ADAM32: variants seen among roughly 807,000 people sequenced by gnomAD.
ADAM32 encodes ADAM metallopeptidase domain 32.
In ADAM32, 89 loss-of-function variants were observed where a neutral mutation model predicts 114.9. The observed-to-expected ratio is 0.77, with a 90% CI of 0.65 to 0.92. The LOEUF is 0.92. ADAM32 is among the 40% of genes least tolerant of loss of function. The probability of loss-of-function intolerance (pLI) is 0.00; values close to 1 mark genes in which losing one functional copy is unlikely to be tolerated. For missense variants in ADAM32, 870 were observed against 932.8 expected (o/e 0.93, Z 0.88); for synonymous variants, 285 against 307.5 (o/e 0.93, Z 0.77).
chr8:39,245,077 T>C (rs34023190), intron 16 of ADAM32, among the ~76,000 whole-genome samples: 12,967 of 151,860 alleles, frequency 0.085, 1,892 homozygotes, highest in African/African-American at 0.3. Flanking sequence ...CAACCCACAG[T>C]GGCTAAGAAA....
At chr8:39,225,385 T>C (rs901613488) in intron 14 of ADAM32, among the ~76,000 whole-genome samples, 1 of 152,208 alleles carries the variant, frequency 6.6e-6, no homozygotes, top group African/African-American at 2.4e-5. Flanking sequence ...GTCTTCACCC[T>C]AGGCACCAGT....
At chr8:39,159,227 A>T (rs1399727492) in intron 6 of ADAM32, among the ~76,000 whole-genome samples, 2 of 152,210 alleles carry the variant, frequency 1.3e-5, no homozygotes, top group African/African-American at 4.8e-5. Context: ...TAAAGTAAAG[A>T]AATATTTTGT....
At chr8:39,114,524 G>C (rs1262851629) in intron 1 of ADAM32, among the ~76,000 whole-genome samples, 1 of 152,140 alleles carries the variant, frequency 6.6e-6, no homozygotes, top group African/African-American at 2.4e-5. Flanking sequence ...GGGACTCTGT[G>C]ATCAGTTAGA....
chr8:39,145,885 C>T (rs904552407), intron 3 of ADAM32, among the ~76,000 whole-genome samples: 1 of 152,028 alleles, frequency 6.6e-6, no homozygotes, highest in African/African-American at 2.4e-5. Flanking sequence ...AGCAGACCAC[C>T]ACACCTGGCT....
At chr8:39,217,459 C>G (rs1808658848) in intron 12 of ADAM32, among the ~76,000 whole-genome samples, 1 of 152,102 alleles carries the variant, frequency 6.6e-6, no homozygotes, top group Non-Finnish European at 1.5e-5. Flanking sequence ...CTACCCCCAT[C>G]TCTTTATCTA....
intron 12 of ADAM32, among the ~76,000 whole-genome samples, chr8:39,215,501 T>C (rs541360365): frequency 8.6e-5 from 13 of 152,012 alleles, no homozygotes; most frequent in Admixed American, 2.6e-4. Flanking sequence ...ATGTTTTTCT[T>C]CTTTTTTGAT....
intron 11 of ADAM32, among the ~76,000 whole-genome samples, chr8:39,189,544 C>T (rs565992028): frequency 4.5e-4 from 68 of 152,130 alleles, no homozygotes; most frequent in Admixed American, 1.4e-3. Flanking sequence ...TATCTGTATA[C>T]GTGTGTGATG....
intron 11 of ADAM32, among the ~76,000 whole-genome samples, chr8:39,200,016 T>C (rs1011191359): frequency 5.3e-5 from 8 of 152,248 alleles, no homozygotes; most frequent in Non-Finnish European, 8.8e-5. Context: ...TAATCCACTC[T>C]ATCACTGATG....
intron 12 of ADAM32, among the ~76,000 whole-genome samples, chr8:39,215,509 G>A (rs1465209870): frequency 6.6e-6 from 1 of 151,660 alleles, no homozygotes; most frequent in Non-Finnish European, 1.5e-5. Context: ...CTTCTTTTTT[G>A]ATATAAGTGC....
intron 16 of ADAM32, among the ~76,000 whole-genome samples, chr8:39,238,836 C>T (rs768254801): frequency 6.6e-6 from 1 of 151,694 alleles, no homozygotes; most frequent in African/African-American, 2.4e-5. Flanking sequence ...AGCTTTAACA[C>T]AAGGCTTTGG....
At chr8:39,183,777 G>A (rs1397181468) in intron 10 of ADAM32, among the ~76,000 whole-genome samples, 1 of 152,240 alleles carries the variant, frequency 6.6e-6, no homozygotes, top group East Asian at 1.9e-4. Context: ...CATGTGATAA[G>A]TAAATCTTGT....
intron 19 of ADAM32, among the ~76,000 whole-genome samples, chr8:39,259,132 A>T (rs1247409434): frequency 6.6e-6 from 1 of 151,320 alleles, no homozygotes; most frequent in Non-Finnish European, 1.5e-5. Flanking sequence ...TTGCCATCCT[A>T]CTTTTTTCCT....
At chr8:39,132,024 G>A in intron 2 of ADAM32, 1 of 289,836 alleles carries the variant, frequency 3.5e-6, no homozygotes, top group Non-Finnish European at 7.2e-6. Flanking sequence ...ATCCTGAGTA[G>A]TTGGGATTAC....
chr8:39,162,853 T>C (rs1804599716), intron 7 of ADAM32, among the ~76,000 whole-genome samples: 1 of 151,950 alleles, frequency 6.6e-6, no homozygotes, highest in Admixed American at 6.5e-5. Context: ...ACACAAAAAT[T>C]AGCCAGGCGT....
At chr8:39,134,825 C>T (rs1407547820) in intron 2 of ADAM32, among the ~76,000 whole-genome samples, 1 of 152,066 alleles carries the variant, frequency 6.6e-6, no homozygotes, top group Non-Finnish European at 1.5e-5. Context: ...AAATATTCAT[C>T]CAAGAACTGC....
At chr8:39,171,092 A>C (rs1805159823) in intron 10 of ADAM32, among the ~76,000 whole-genome samples, 1 of 152,068 alleles carries the variant, frequency 6.6e-6, no homozygotes, top group Admixed American at 6.5e-5. Flanking sequence ...ACCCACAACA[A>C]CCAGCTAACT....
intron 2 of ADAM32, among the ~76,000 whole-genome samples, chr8:39,122,776 C>A (rs1242452103): frequency 6.6e-6 from 1 of 152,094 alleles, no homozygotes; most frequent in Non-Finnish European, 1.5e-5. Context: ...GCCATGTTGG[C>A]CAGGCTAGTC....
chr8:39,277,937 G>A (rs1230966481), intron 22 of ADAM32, among the ~76,000 whole-genome samples: 1 of 152,200 alleles, frequency 6.6e-6, no homozygotes, highest in East Asian at 1.9e-4. Context: ...GAGGGCGAAG[G>A]GACAGTGTGA....
intron 7 of ADAM32, among the ~76,000 whole-genome samples, chr8:39,162,000 TTA>T (rs5891056): frequency 0.71 from 103,055 of 144,302 alleles, 36,736 homozygotes; most frequent in Middle Eastern, 0.8. Context: ...TTATTTTATT[TTA>T]TATATATATA....
Sources: gnomAD v4.1 joint callset for allele counts (sites outside exome capture counted in the v4.1 genomes callset) on GRCh38, gnomAD v4.1.1 for gene constraint, MANE v1.5 for transcripts, NCBI Gene and HGNC (gene_info 2026-07-23, HGNC 2026-07-21) for gene names.